The following MAGEC1 variants were observed in gnomAD, a reference collection of about 807,000 sequenced individuals.
The protein encoded by MAGEC1 is melanoma-associated antigen C1.
In MAGEC1, 3 loss-of-function variants were observed where a neutral mutation model predicts 1.5. That is an observed-to-expected ratio of 1.97 (90% confidence interval 0.90 to 5.10). The LOEUF is 5.10. Among genes scored for constraint, MAGEC1 ranks in the 30% most tolerant of loss-of-function variants. MAGEC1 has a pLI of 0.02. For synonymous variants in MAGEC1, 357 were observed against 310.4 expected, an observed-to-expected ratio of 1.15 and a Z score of -1.58; for missense variants, 985 against 803.1, an observed-to-expected ratio of 1.23 and a Z score of -2.74.
Position 141,905,006 on chromosome X carries a change from C to T in MAGEC1, c.-67C>T. Reference sequence around the variant, plus strand: ...ACAAACCCCCTAGGAAGACAGGCGACCTGTGAGGCCCTAGAGCACCACCTT... The same window carrying T: ...ACAAACCCCCTAGGAAGACAGGCGATCTGTGAGGCCCTAGAGCACCACCTT... On this transcript the variant is annotated 5_prime_UTR_variant, in exon 3 of 4. Transcript: ENST00000285879. 8.3e-7 allele frequency: 1 copy of T among 1,209,293 alleles called. No individual in the cohort carries two copies. The highest frequency in any genetic ancestry group is 1.1e-6 in the Non-Finnish European group (1 of 893,681).
Position 141,908,642 on chromosome X carries a change from A to T in MAGEC1, c.3238A>T (p.Ile1080Phe). The change falls in exon 4 of 4, where the codon ATT (isoleucine) becomes TTT (phenylalanine). Residue 1080 changes from isoleucine to phenylalanine, a missense_variant. Transcript: ENST00000285879. The part of the protein sequence containing the change: ...LWGPRAHSEV[I>F]KRKVVEFLAM... ...GGGTCCAAGAGCTCATTCAGAAGTC[A>T]TTAAGAGGAAAGTAGTAGAGTTTTT... 8.3e-7 allele frequency: 1 copy of T among 1,211,586 alleles called. No homozygotes were observed. The highest frequency in any genetic ancestry group is 1.1e-6 in the Non-Finnish European group (1 of 895,311).
At chrX:141,904,387 G>A (rs182494914) in intron 1 of MAGEC1, among the ~76,000 whole-genome samples, 4 of 110,735 alleles carry the variant, frequency 3.6e-5, no homozygotes, top group Non-Finnish European at 7.6e-5. Context: ...GCAGAGGGAA[G>A]ATTCCCAGGC....
At position 141,909,368 on chromosome X, in the gene MAGEC1, A is replaced by C. The variant is rs1047936357; in HGVS notation, c.*535A>C. ...AAGTAGAAGAAAGTAAACTGTAATA[A>C]ATAAAAGTGTCAGTGACTCATTTAT... On this transcript the variant is annotated 3_prime_UTR_variant, in exon 4 of 4. Coordinates refer to ENST00000285879, the MANE Select transcript of MAGEC1 (RefSeq NM_005462.5). 2 of 112,797 alleles carry C rather than the reference A, an allele frequency of 1.8e-5. No individual in the cohort carries two copies. Among genetic ancestry groups the C allele is most frequent in the Non-Finnish European group, 3.7e-5 (2 of 53,528 alleles). The allele number at this position is 112,797 out of a possible 1,213,427, so 9.3% of individuals were successfully genotyped here. A position where few individuals can be genotyped will look rare whatever the true frequency, so the allele number is the denominator to read the frequency against.
chrX:141,905,863 TC>T lies in MAGEC1; in HGVS notation c.461del (p.Pro154LeufsTer14). On this transcript the variant is annotated frameshift_variant, in exon 4 of 4. Transcript: ENST00000285879. LOFTEE classifies it low-confidence loss of function (END_TRUNC). The part of the protein sequence containing the change: ...FQSSPESTQS[P>X]FEGFPQSVLQ... Reference sequence around the variant, plus strand: ...AGAGTTCCCCTGAGAGTACTCAAAGTCCTTTTGAGGGTTTTCCCCAGTCTGT... The same window carrying T: ...AGAGTTCCCCTGAGAGTACTCAAAGTCTTTTGAGGGTTTTCCCCAGTCTGT... The T allele has an allele frequency of 8.3e-7, 1 of 1,201,339 alleles. No homozygotes were observed. Among genetic ancestry groups the T allele is most frequent in the Non-Finnish European group, 1.1e-6 (1 of 889,851 alleles).
At position 141,907,696 on chromosome X, in the gene MAGEC1, G is replaced by C; in HGVS notation, c.2292G>C (p.Gln764His). 1 of 1,208,527 alleles carries C rather than the reference G, an allele frequency of 8.3e-7. No individual in the cohort carries two copies. The highest frequency in any genetic ancestry group is 1.1e-6 in the Non-Finnish European group (1 of 894,429). ...CCCAGAGTTTCCCTGAGAGTCCTCAGAGTCCTCCTGAGGGGCCTGCTCAGT... is the reference window on the plus strand; with the variant it reads ...CCCAGAGTTTCCCTGAGAGTCCTCACAGTCCTCCTGAGGGGCCTGCTCAGT... ...SLPQSFPESPQSPPEGPAQSP... is the reference protein window; with the variant it reads ...SLPQSFPESPHSPPEGPAQSP... Residue 764 changes from glutamine to histidine, a missense_variant, in exon 4 of 4, where the codon CAG becomes CAC. Transcript: ENST00000285879.
rs1602639171 is a variant in MAGEC1 at position 141,904,735 on chromosome X, G to A, written c.-183G>A. 1 of 272,674 alleles carries A rather than the reference G, an allele frequency of 3.7e-6. No individual in the cohort carries two copies. Among genetic ancestry groups the A allele is most frequent in the East Asian group, 6.1e-5 (1 of 16,306 alleles). The allele number at this position is 272,674 out of a possible 1,213,427, so 22.5% of individuals were successfully genotyped here. Reference sequence around the variant, plus strand: ...CTTGCAGGTGCTCCAGAAAGCAGGAGTTGAAGACCTGGGTGTGAGGGACAC... The same window carrying A: ...CTTGCAGGTGCTCCAGAAAGCAGGAATTGAAGACCTGGGTGTGAGGGACAC... On this transcript the variant is annotated 5_prime_UTR_variant, in exon 2 of 4. Transcript: ENST00000285879.
In MAGEC1 at chrX:141,908,849, C is replaced by G; in HGVS notation, c.*16C>G. On this transcript the variant is annotated 3_prime_UTR_variant, in exon 4 of 4. Coordinates refer to ENST00000285879, the MANE Select transcript of MAGEC1 (RefSeq NM_005462.5). ...TTCTGAGTGAAGTCTAGGGCAGATT[C>G]TTCCCTCTGAGTTTGAAGGGGGCAG... The G allele has an allele frequency of 8.6e-7, 1 of 1,163,483 alleles. No homozygotes were observed. The highest frequency in any genetic ancestry group is 1.1e-6 in the Non-Finnish European group (1 of 870,953).
Position 141,906,879 on chromosome X carries a change from T to C in MAGEC1, c.1475T>C (p.Leu492Ser), listed in dbSNP as rs374158964. The change falls in exon 4 of 4, where the codon TTG becomes TCG. Residue 492 changes from leucine (L) to serine (S), a missense_variant. Leu to Ser is a moderately radical substitution (Grantham distance 145, BLOSUM62 -2). Coordinates refer to ENST00000285879, the MANE Select transcript of MAGEC1 (RefSeq NM_005462.5). ...TCCTCCTCCTCCTCCTCCACTTTAT[T>C]GAGTCTTTTCCAGAGTTCCCCTGAG... ...VSSSSSSSTL[L>S]SLFQSSPECT... is the part of the protein sequence containing the mutation. The C allele has an allele frequency of 1.8e-5, 22 of 1,210,183 alleles. No individual in the cohort carries two copies. The highest frequency in any genetic ancestry group is 2.5e-5 in the Non-Finnish European group (22 of 894,947).
At chrX:141,905,331 T>A (rs1373373423) in intron 3 of MAGEC1, 78 bp from the exon 4 acceptor site, 3 of 988,677 alleles carry the variant, frequency 3.0e-6, no homozygotes, top group Non-Finnish European at 4.2e-6. Context: ...TCTTCCTCTT[T>A]CCACTTTTTA....
At position 141,903,977 on chromosome X, in the gene MAGEC1, A is replaced by G. The variant is rs1051489201; in HGVS notation, c.-203A>G. ...GACTTATAGACCTATCCAGTCTTCA[A>G]GGTGAGGGCCCCGAGGGAGAAGTGA... On this transcript the variant is annotated splice_region_variant and 5_prime_UTR_variant, in exon 1 of 4. Transcript: ENST00000285879. 2 of 118,833 alleles carry G rather than the reference A, an allele frequency of 1.7e-5. No individual in the cohort carries two copies. Among genetic ancestry groups the G allele is most frequent in the Non-Finnish European group, 3.5e-5 (2 of 57,169 alleles). 9.8% of individuals were successfully genotyped at this position (118,833 alleles called of 1,213,427 possible).
Position 141,907,972 on chromosome X carries a change from C to G in MAGEC1, c.2568C>G (p.Ile856Met). The change falls in exon 4 of 4, where the codon ATC becomes ATG. Residue 856 changes from isoleucine to methionine, a missense_variant. Transcript: ENST00000285879. Reference sequence around the variant, plus strand: ...AGAGTCCTCTCCAGAGTCCTGTGATCTCCTTCTCCTCCTCCACTTCATTGA... The same window carrying G: ...AGAGTCCTCTCCAGAGTCCTGTGATGTCCTTCTCCTCCTCCACTTCATTGA... ...SPESPLQSPV[I>M]SFSSSTSLSP... 8.3e-7 allele frequency: 1 copy of G among 1,209,809 alleles called. No individual in the cohort carries two copies. The highest frequency in any genetic ancestry group is 3.0e-5 in the East Asian group (1 of 33,730).
chrX:141,904,944 A>C, intron 2 of MAGEC1, 26 bp from the exon 3 acceptor site: 2 of 1,019,069 alleles, frequency 2.0e-6, no homozygotes, highest in East Asian at 6.1e-5. Context: ...CTGTGCCCCG[A>C]GGTGCTTTCT....
rs1204965665 is a variant in MAGEC1 at position 141,907,850 on chromosome X, T to C, written c.2446T>C (p.Ser816Pro). Residue 816 changes from serine to proline, a missense_variant, in exon 4 of 4, where the codon TCC becomes CCC. Coordinates refer to ENST00000285879, the MANE Select transcript of MAGEC1 (RefSeq NM_005462.5). ...GTCTCCTCTCCAGAGTCCTGTGAGCTCCTTCCCCTCCTCCACTTCATCGAG... is the reference window on the plus strand; with the variant it reads ...GTCTCCTCTCCAGAGTCCTGTGAGCCCCTTCCCCTCCTCCACTTCATCGAG... ...AQSPLQSPVS[S>P]FPSSTSSSLS... 8.3e-7 allele frequency: 1 copy of C among 1,209,033 alleles called. No individual in the cohort carries two copies. The highest frequency in any genetic ancestry group is 3.0e-5 in the East Asian group (1 of 33,676).
Position 141,905,559 on chromosome X carries a change from A to G in MAGEC1, c.155A>G (p.Gln52Arg). The stretch of plus-strand genomic sequence containing the variant: ...AGCGACGACACCCTGTATCCTCTCC[A>G]GAGTCCTCAGAGTCGTTCTGAGGGG... ...PESDDTLYPL[Q>R]SPQSRSEGED... The change falls in exon 4 of 4, where the codon CAG becomes CGG. Residue 52 changes from glutamine (Q) to arginine (R), a missense_variant. Coordinates refer to ENST00000285879, the MANE Select transcript of MAGEC1 (RefSeq NM_005462.5). 1 of 1,209,242 alleles carries G rather than the reference A, an allele frequency of 8.3e-7. No individual in the cohort carries two copies. Among genetic ancestry groups the G allele is most frequent in the Admixed American group, 2.2e-5 (1 of 45,869 alleles).
In MAGEC1 at chrX:141,909,291, G is replaced by C. The variant is rs1927055678; in HGVS notation, c.*458G>C. ...TGCATTTCCTCAGGTCCTTTAGTCT[G>C]TTGTTCTTGAAAACTAAAGATACAT... On this transcript the variant is annotated 3_prime_UTR_variant, in exon 4 of 4. Coordinates refer to ENST00000285879, the MANE Select transcript of MAGEC1 (RefSeq NM_005462.5). 8.7e-6 allele frequency: 1 copy of C among 114,395 alleles called. No individual in the cohort carries two copies. Among genetic ancestry groups the C allele is most frequent in the Non-Finnish European group, 1.8e-5 (1 of 54,769 alleles). 9.4% of individuals were successfully genotyped at this position (114,395 alleles called of 1,213,427 possible).
Position 141,908,867 on chromosome X carries a change from G to A in MAGEC1, c.*34G>A. Reference sequence around the variant, plus strand: ...GCAGATTCTTCCCTCTGAGTTTGAAGGGGGCAGTCGAGTTTCTACGTGGTG... The same window carrying A: ...GCAGATTCTTCCCTCTGAGTTTGAAAGGGGCAGTCGAGTTTCTACGTGGTG... On this transcript the variant is annotated 3_prime_UTR_variant, in exon 4 of 4. Coordinates refer to ENST00000285879, the MANE Select transcript of MAGEC1 (RefSeq NM_005462.5). 8.9e-7 allele frequency: 1 copy of A among 1,126,719 alleles called. No homozygotes were observed. Among genetic ancestry groups the A allele is most frequent in the Non-Finnish European group, 1.2e-6 (1 of 844,601 alleles). The allele number at this position is 1,126,719 out of a possible 1,213,427, so 92.9% of individuals were successfully genotyped here.
chrX:141,905,918 T>A lies in MAGEC1; in HGVS notation c.514T>A (p.Ser172Thr). The stretch of plus-strand genomic sequence containing the variant: ...CCAGATTCCTGTGAGCGCCGCCTCC[T>A]CCTCCACTTTAGTGAGTATTTTCCA... The part of the protein sequence containing the change: ...VLQIPVSAAS[S>T]STLVSIFQSS... The change falls in exon 4 of 4, where the codon TCC (serine) becomes ACC (threonine). Residue 172 changes from serine to threonine, a missense_variant. Ser to Thr is a moderately conservative substitution (Grantham distance 58). Transcript: ENST00000285879. The A allele has an allele frequency of 8.4e-7, 1 of 1,196,910 alleles. No homozygotes were observed. The highest frequency in any genetic ancestry group is 1.1e-6 in the Non-Finnish European group (1 of 888,121).
rs62611965 is a variant in MAGEC1, at chrX:141,906,621, C to T, written c.1217C>T (p.Ser406Phe). Reference sequence around the variant, plus strand: ...AGTACTTTTGAGGGTTTTCCCCAGTCTCCTCTCCAGATTCCTATGACCTCC... The same window carrying T: ...AGTACTTTTGAGGGTTTTCCCCAGTTTCCTCTCCAGATTCCTATGACCTCC... ...THSTFEGFPQ[S>F]PLQIPMTSSF... The change falls in exon 4 of 4, where the codon TCT becomes TTT. Residue 406 changes from serine to phenylalanine, a missense_variant. Ser to Phe is a radical substitution (Grantham distance 155, BLOSUM62 -2). Coordinates refer to ENST00000285879, the MANE Select transcript of MAGEC1 (RefSeq NM_005462.5). The T allele has an allele frequency of 2.5e-6, 3 of 1,196,341 alleles. No individual in the cohort carries two copies. The highest frequency in any genetic ancestry group is 1.8e-5 in the African/African-American group (1 of 55,795).
At chrX:141,905,257 A>G (rs1172261960) in intron 3 of MAGEC1, 152 bp from the exon 4 acceptor site, 1 of 836,112 alleles carries the variant, frequency 1.2e-6, no homozygotes, top group African/African-American at 2.0e-5. Flanking sequence ...CAATTTTCAT[A>G]CTGGAGTTGG....
Sources: allele counts gnomAD v4.1 joint callset (sites outside exome capture counted in the v4.1 genomes callset), GRCh38; gene constraint gnomAD v4.1.1; transcripts MANE v1.5; gene names NCBI Gene and HGNC (gene_info 2026-07-23, HGNC 2026-07-21).